AP1G1: variants seen among roughly 807,000 people sequenced by gnomAD.
AP1G1 encodes the protein adaptor related protein complex 1 subunit gamma 1.
Under a neutral mutation model 108.3 loss-of-function variants are expected in AP1G1, and 7 were observed. The observed-to-expected ratio is 0.06, with a 90% confidence interval of 0.04 to 0.12. The LOEUF (loss-of-function observed/expected upper bound fraction) is 0.12. Among genes scored for constraint, AP1G1 ranks in the 10% least tolerant of loss-of-function variants. AP1G1 has a pLI of 1.00. For synonymous variants in AP1G1, 379 were observed against 353.5 expected, an observed-to-expected ratio of 1.07 and a Z score of -0.81; for missense variants, 756 against 1,010.7, an observed-to-expected ratio of 0.75 and a Z score of 3.42.
At chr16:71,767,706 A>C (rs1177635881) in intron 6 of AP1G1, among the ~76,000 whole-genome samples, 2 of 152,198 alleles carry the variant, frequency 1.3e-5, no homozygotes, top group African/African-American at 4.8e-5. Context: ...TTAAGTGACA[A>C]AACAAAAACT....
At chr16:71,742,724 C>G (rs1419170647) in intron 19 of AP1G1, 1 of 152,196 alleles carries the variant, frequency 6.6e-6, no homozygotes, top group Non-Finnish European at 1.5e-5. Flanking sequence ...AATCCCAGCA[C>G]TTTGGGAGGC....
intron 22 of AP1G1, among the ~76,000 whole-genome samples, chr16:71,734,260 C>T (rs1010568373): frequency 2.0e-5 from 3 of 152,194 alleles, no homozygotes; most frequent in Admixed American, 2.0e-4. Flanking sequence ...TCTATTCATA[C>T]TTAATAACTG....
chr16:71,750,421 C>G, intron 13 of AP1G1, 89 bp from the exon 14 acceptor site: 2 of 1,524,518 alleles, frequency 1.3e-6, no homozygotes, highest in Non-Finnish European at 1.8e-6. Context: ...GTGTTTTTTC[C>G]TTTCTTTTTT....
intron 2 of AP1G1, among the ~76,000 whole-genome samples, chr16:71,784,839 G>T (rs900908380): frequency 1.3e-5 from 2 of 151,294 alleles, no homozygotes; most frequent in Non-Finnish European, 2.9e-5. Flanking sequence ...GATTACAGGC[G>T]TAAGTCACCG....
chr16:71,751,942 TAAGAG>T (rs1408661943), intron 13 of AP1G1, among the ~76,000 whole-genome samples: 4 of 152,166 alleles, frequency 2.6e-5, no homozygotes, highest in African/African-American at 9.7e-5. Context: ...AACAACATTA[TAAGAG>T]AAAACTATAA....
chr16:71,753,768 A>G (rs2145443690), intron 13 of AP1G1, 65 bp downstream of exon 13: 1 of 1,436,268 alleles, frequency 7.0e-7, no homozygotes, highest in East Asian at 2.3e-5. Context: ...ACTAGAACAT[A>G]AACTTCATGA....
At chr16:71,749,366 C>T (rs1206326731) in intron 15 of AP1G1, among the ~76,000 whole-genome samples, 5 of 151,764 alleles carry the variant, frequency 3.3e-5, no homozygotes, top group African/African-American at 4.8e-5. Context: ...GCCTATAGTC[C>T]CAGCTACTCA....
chr16:71,770,902 C>T (rs558769789), intron 5 of AP1G1, among the ~76,000 whole-genome samples: 1 of 152,148 alleles, frequency 6.6e-6, no homozygotes, highest in South Asian at 2.1e-4. Flanking sequence ...ATATTAACAA[C>T]TTAATATTTT....
intron 21 of AP1G1, among the ~76,000 whole-genome samples, chr16:71,737,387 G>C (rs1458601409): frequency 1.3e-5 from 2 of 151,960 alleles, no homozygotes; most frequent in Non-Finnish European, 2.9e-5. Flanking sequence ...GGGTTCAAGT[G>C]AGTCTCCCAC....
At position 71,739,215 on chromosome 16, in the gene AP1G1, G is replaced by T. The variant is rs769950920; in HGVS notation, c.2107+19C>A. 1 of 1,609,460 alleles carries T rather than the reference G, an allele frequency of 6.2e-7. No homozygotes were observed. Among genetic ancestry groups the T allele is most frequent in the South Asian group, 1.1e-5 (1 of 90,862 alleles). ...TTACTCAGTGCTCCATGTAATGATG[G>T]TAACAACAGTCATCGTACCTGCAGC... On this transcript the variant is annotated intron_variant, in intron 20 of 22. Transcript: ENST00000299980.
chr16:71,746,796 T>C (rs1263903419), intron 16 of AP1G1, 104 bp from the exon 17 acceptor site: 3 of 736,906 alleles, frequency 4.1e-6, no homozygotes, highest in African/African-American at 3.6e-5. Flanking sequence ...AATACTGAAA[T>C]ACTCATTTTT....
chr16:71,802,402 G>A (rs923297468), intron 1 of AP1G1, among the ~76,000 whole-genome samples: 1 of 152,046 alleles, frequency 6.6e-6, no homozygotes, highest in African/African-American at 2.4e-5. Context: ...AGGCAGCTAA[G>A]GCTACTGGCA....
At chr16:71,734,744 T>C in intron 21 of AP1G1, 37 bp from the exon 22 acceptor site, 1 of 1,541,556 alleles carries the variant, frequency 6.5e-7, no homozygotes, top group Non-Finnish European at 9.0e-7. Context: ...AGAAAAAGAA[T>C]TACACAACGC....
intron 6 of AP1G1, among the ~76,000 whole-genome samples, chr16:71,768,917 CA>C (rs58725744): frequency 7.1e-3 from 300 of 42,152 alleles, no homozygotes; most frequent in Middle Eastern, 0.024. Context: ...GACTCTGTCT[CA>C]AAAAAAAAAA....
chr16:71,729,762 A>C lies in AP1G1; in HGVS notation c.*3296T>G, dbSNP rs551393482. 1 of 152,784 alleles carries C rather than the reference A, an allele frequency of 6.5e-6. No individual in the cohort carries two copies. The highest frequency in any genetic ancestry group is 6.5e-5 in the Admixed American group (1 of 15,312). The allele number at this position is 152,784 out of a possible 1,614,324, so 9.5% of individuals were successfully genotyped here. ...GACATGTAAAACCACTCTCCCAACT[A>C]CAAAGTTCATGAACACCCACTTTTT... On this transcript the variant is annotated 3_prime_UTR_variant, in exon 23 of 23. Coordinates refer to ENST00000299980, the MANE Select transcript of AP1G1 (RefSeq NM_001128.6).
intron 17 of AP1G1, 89 bp downstream of exon 17, chr16:71,746,499 C>T: frequency 1.3e-6 from 1 of 786,002 alleles, no homozygotes; most frequent in Non-Finnish European, 2.0e-6. Context: ...ATTAATAAAG[C>T]ACAAGGAATG....
At chr16:71,761,659 T>G in intron 9 of AP1G1, 92 bp from the exon 10 acceptor site, 1 of 941,492 alleles carries the variant, frequency 1.1e-6, no homozygotes, top group Non-Finnish European at 1.7e-6. Context: ...CCTCTGGTGC[T>G]TCACAGACTG....
Position 71,808,081 on chromosome 16 carries a change from G to T in AP1G1, c.-4+682C>A, listed in dbSNP as rs1056797028. On this transcript the variant is annotated intron_variant, in intron 1 of 22. Coordinates refer to ENST00000299980, the MANE Select transcript of AP1G1 (RefSeq NM_001128.6). ...ACCGGGAAACACAATCAACCGAACC[G>T]TCCCGACTCTTTCAGGCAATCAGGA... The T allele has an allele frequency of 7.7e-5, 90 of 1,170,890 alleles. No individual in the cohort carries two copies. In the Admixed American group the frequency reaches 3.1e-3, roughly 40 times the overall value. The allele number at this position is 1,170,890 out of a possible 1,614,324, so 72.5% of individuals were successfully genotyped here.
At chr16:71,806,288 A>G (rs936033532) in intron 1 of AP1G1, among the ~76,000 whole-genome samples, 1 of 152,238 alleles carries the variant, frequency 6.6e-6, no homozygotes, top group Non-Finnish European at 1.5e-5. Context: ...CAAAGCAGAC[A>G]TTCAAATATG....
Sources: gnomAD v4.1 joint callset for allele counts (sites outside exome capture counted in the v4.1 genomes callset) on GRCh38, gnomAD v4.1.1 for gene constraint, MANE v1.5 for transcripts, NCBI Gene and HGNC (gene_info 2026-07-23, HGNC 2026-07-21) for gene names.